SAMMSON: variants seen among roughly 807,000 people sequenced by gnomAD.
SAMMSON encodes the protein long intergenic non-protein coding RNA 1212.
At chr3:70,299,632 A>T (rs921378670) in intron 7 of SAMMSON, among the ~76,000 whole-genome samples, 11 of 152,114 alleles carry the variant, frequency 7.2e-5, no homozygotes, top group Admixed American at 2.0e-4. Context: ...CTGAAAACCA[A>T]TATCTCAAAT....
chr3:70,312,584 A>T (rs139487662), intron 7 of SAMMSON: 2 of 152,310 alleles, frequency 1.3e-5, no homozygotes, highest in African/African-American at 2.4e-5. Flanking sequence ...AAGGTGTGGG[A>T]CTGGGGAGCA....
intron 3 of SAMMSON, chr3:70,068,371 A>T (rs2067218018): frequency 6.6e-6 from 1 of 152,110 alleles, no homozygotes; most frequent in African/African-American, 2.4e-5. Context: ...GCAGAGGTTT[A>T]CAGTGGAATT....
At chr3:70,228,193 G>A (rs949210093) in intron 4 of SAMMSON, among the ~76,000 whole-genome samples, 3 of 151,862 alleles carry the variant, frequency 2.0e-5, no homozygotes, top group East Asian at 1.9e-4. Context: ...ATCAAGAAAG[G>A]CATTTTACAG....
chr3:70,064,120 A>T (rs938688907), intron 3 of SAMMSON, among the ~76,000 whole-genome samples: 13 of 152,144 alleles, frequency 8.5e-5, no homozygotes, highest in African/African-American at 3.1e-4. Context: ...TGCCAGATCT[A>T]TACATGGCTT....
At chr3:70,132,787 AAAG>A (rs2067487921) in intron 4 of SAMMSON, among the ~76,000 whole-genome samples, 2 of 142,804 alleles carry the variant, frequency 1.4e-5, no homozygotes, top group Non-Finnish European at 3.1e-5. Context: ...AAAAAAAAGA[AAAG>A]AAAAAAAAAA....
At chr3:70,320,361 T>C (rs2106716508) in intron 7 of SAMMSON, among the ~76,000 whole-genome samples, 1 of 152,144 alleles carries the variant, frequency 6.6e-6, no homozygotes, top group Non-Finnish European at 1.5e-5. Context: ...GGGGGAATTA[T>C]TTTGCTCCAA....
chr3:70,272,483 A>C (rs6419775), intron 6 of SAMMSON: 146,699 of 152,318 alleles, frequency 0.96, 70,855 homozygotes, highest in Non-Finnish European at 1. Context: ...GAATAAACCA[A>C]AATTTGTTTA....
chr3:70,227,397 G>A (rs1344879343), intron 4 of SAMMSON, among the ~76,000 whole-genome samples: 1 of 152,170 alleles, frequency 6.6e-6, no homozygotes, highest in Non-Finnish European at 1.5e-5. Context: ...AAAACAATGT[G>A]ATTCAAAATA....
chr3:70,101,839 TAA>T lies in SAMMSON; in HGVS notation n.507+30275_507+30276del, dbSNP rs535902754. 3.3e-5 allele frequency among the ~76,000 whole-genome samples: 5 copies of T among 152,272 alleles called. No homozygotes were observed. In the East Asian group the frequency reaches 9.6e-4, roughly 29 times the overall value. On this transcript the variant is annotated intron_variant and non_coding_transcript_variant, in intron 4 of 9. Coordinates refer to ENST00000642114, the Ensembl canonical transcript of SAMMSON. ...TCAATTAATAACGAAACTAAAATTATAATTTCCTGACTTCACAGATAATGGCT... is the reference window on the plus strand; with the variant it reads ...TCAATTAATAACGAAACTAAAATTATTTTCCTGACTTCACAGATAATGGCT...
chr3:70,141,395 A>G (rs949210349), intron 4 of SAMMSON, among the ~76,000 whole-genome samples: 8 of 152,172 alleles, frequency 5.3e-5, no homozygotes, highest in Non-Finnish European at 8.8e-5. Flanking sequence ...TAAGAAAGAC[A>G]GCAAAGTTGC....
rs531284065 is a variant in SAMMSON, at chr3:70,267,210, A to G, written n.674+17540A>G. Among the ~76,000 whole-genome samples, 3 of 152,262 alleles carry G rather than the reference A, an allele frequency of 2.0e-5. No homozygotes were observed. The South Asian group carries it at 6.2e-4, about 32-fold the overall frequency. ...CTTAATTCCCCCTTATGTTTTAGAC[A>G]GTAAAAGAAGTCTCATTTTTACGAA... is the stretch of plus-strand genomic sequence containing the variant. On this transcript the variant is annotated intron_variant and non_coding_transcript_variant, in intron 6 of 9. Transcript: ENST00000642114.
chr3:70,422,127 A>T (rs1701317823), intron 2 of SAMMSON, among the ~76,000 whole-genome samples: 1 of 152,076 alleles, frequency 6.6e-6, no homozygotes, highest in Non-Finnish European at 1.5e-5. Flanking sequence ...GGTAAAAAAA[A>T]AATCAGAGGC....
chr3:70,201,909 A>G (rs983192354), intron 4 of SAMMSON, among the ~76,000 whole-genome samples: 2 of 152,116 alleles, frequency 1.3e-5, no homozygotes, highest in Non-Finnish European at 2.9e-5. Context: ...AGATGGGAGG[A>G]AGAGAAAATT....
chr3:70,360,447 A>C (rs1039419106), intron 9 of SAMMSON, among the ~76,000 whole-genome samples: 5 of 152,142 alleles, frequency 3.3e-5, no homozygotes, highest in Non-Finnish European at 7.4e-5. Flanking sequence ...TGTAAAAATG[A>C]CTGTTATATG....
At chr3:70,397,029 G>A (rs1701098755) in intron 2 of SAMMSON, among the ~76,000 whole-genome samples, 2 of 152,198 alleles carry the variant, frequency 1.3e-5, no homozygotes, top group African/African-American at 4.8e-5. Context: ...TTTGGACTGT[G>A]GATCCTTATA....
At chr3:70,369,502 C>T (rs1702947937) in intron 9 of SAMMSON, among the ~76,000 whole-genome samples, 1 of 150,260 alleles carries the variant, frequency 6.7e-6, no homozygotes, top group South Asian at 2.1e-4. Context: ...TTTTCCGTAC[C>T]TGTATTACTT....
intron 4 of SAMMSON, among the ~76,000 whole-genome samples, chr3:70,112,827 T>C (rs2067395080): frequency 6.6e-6 from 1 of 152,208 alleles, no homozygotes; most frequent in Non-Finnish European, 1.5e-5. Flanking sequence ...CAAAGACACT[T>C]GCTGATATAG....
In SAMMSON at chr3:70,237,979, C is replaced by CTTTTTTTTTTTTTTTTTTTTTTT. The variant is rs71672662; in HGVS notation, n.508-11124_508-11102dup. On this transcript the variant is annotated intron_variant and non_coding_transcript_variant, in intron 4 of 9. Transcript: ENST00000642114. ...GGAAAAGAAACTAATTGAGTGGTAT[C>CTTTTTTTTTTTTTTTTTTTTTTT]TTTTTTTTTTTTTTTTTTTTTTTTT... Among the ~76,000 whole-genome samples, 41 of 48,942 alleles carry CTTTTTTTTTTTTTTTTTTTTTTT rather than the reference C, an allele frequency of 8.4e-4. 13 individuals carry two copies. Among genetic ancestry groups the CTTTTTTTTTTTTTTTTTTTTTTT allele is most frequent in the African/African-American group, 2.7e-3 (25 of 9,426 alleles). 32.1% of individuals were successfully genotyped at this position (48,942 alleles called of 152,430 possible).
chr3:70,129,384 GT>G (rs2067472434), intron 4 of SAMMSON, among the ~76,000 whole-genome samples: 1 of 152,138 alleles, frequency 6.6e-6, no homozygotes, highest in South Asian at 2.1e-4. Flanking sequence ...GGATACTGAT[GT>G]TTAAGCAAAA....
Sources: allele counts gnomAD v4.1 joint callset (sites outside exome capture counted in the v4.1 genomes callset), GRCh38; gene constraint gnomAD v4.1.1; transcripts MANE v1.5; gene names NCBI Gene and HGNC (gene_info 2026-07-23, HGNC 2026-07-21).